The following PPP6R2 variants were observed in gnomAD, a reference collection of about 807,000 sequenced individuals.
The protein encoded by PPP6R2 is protein phosphatase 6 regulatory subunit 2.
In PPP6R2, 62 loss-of-function variants were observed where a neutral mutation model predicts 100.2. The ratio of observed to expected loss-of-function variants is 0.62; its 90% confidence interval spans 0.50 to 0.76. The LOEUF is 0.76. PPP6R2 is among the 30% of genes least tolerant of loss of function. The pLI, the probability that PPP6R2 is intolerant of heterozygous loss-of-function variation, is 0.00. For missense variants in PPP6R2, 1,142 were observed against 1,276.3 expected (o/e 0.89, Z 1.60); for synonymous variants, 525 against 514.7 (o/e 1.02, Z -0.27).
intron 1 of PPP6R2, among the ~76,000 whole-genome samples, chr22:50,354,156 T>C (rs2045937569): frequency 6.6e-6 from 1 of 151,714 alleles, no homozygotes; most frequent in Non-Finnish European, 1.5e-5. Flanking sequence ...AATACAAAAA[T>C]TAGCCGGGCA....
intron 8 of PPP6R2, 53 bp from the exon 9 acceptor site, chr22:50,422,201 G>A: frequency 1.3e-6 from 2 of 1,585,622 alleles, no homozygotes; most frequent in Non-Finnish European, 1.7e-6. Flanking sequence ...TTGCTGGTGA[G>A]GTTGGACAGG....
chr22:50,406,165 C>CGAGAGGCCTGGAGAGAGGT (rs1440085155), intron 3 of PPP6R2, among the ~76,000 whole-genome samples: 12 of 52,220 alleles, frequency 2.3e-4, no homozygotes, highest in South Asian at 6.6e-4. Context: ...TGGAGAGAGG[C>CGAGAGGCCTGGAGAGAGGT]GAGAGGCCTG....
At chr22:50,381,624 G>C (rs776374642) in intron 2 of PPP6R2, among the ~76,000 whole-genome samples, 2 of 152,170 alleles carry the variant, frequency 1.3e-5, no homozygotes, top group Non-Finnish European at 2.9e-5. Flanking sequence ...AGGAATTATT[G>C]TAGGAATAGA....
At chr22:50,436,502 C>T in intron 14 of PPP6R2, 50 bp downstream of exon 14, 2 of 1,521,792 alleles carry the variant, frequency 1.3e-6, no homozygotes, top group African/African-American at 1.4e-5. Context: ...TGCTGGGACG[C>T]CGTCAGACGC....
At chr22:50,421,629 G>C (rs1310598562) in intron 8 of PPP6R2, among the ~76,000 whole-genome samples, 1 of 152,128 alleles carries the variant, frequency 6.6e-6, no homozygotes, top group South Asian at 2.1e-4. Flanking sequence ...ACACCACAGG[G>C]GGTAGGCGCA....
At chr22:50,336,860 C>T in the PPP6R2 span, among the ~76,000 whole-genome samples, 2 of 152,114 alleles carry the variant, frequency 1.3e-5, no homozygotes, top group African/African-American at 4.8e-5. Context: ...GCGTGCACCA[C>T]CATGCCCAGC....
intron 2 of PPP6R2, among the ~76,000 whole-genome samples, chr22:50,384,459 G>C (rs968227317): frequency 2.6e-5 from 4 of 152,044 alleles, no homozygotes; most frequent in Non-Finnish European, 5.9e-5. Context: ...GGAGGCTGAG[G>C]CAGGAGAATC....
upstream of PPP6R2, among the ~76,000 whole-genome samples, chr22:50,342,486 C>G (rs1251292842): frequency 1.3e-5 from 2 of 152,196 alleles, no homozygotes; most frequent in African/African-American, 4.8e-5. Context: ...CTGGCGCCCT[C>G]TACCGACAAA....
intron 1 of PPP6R2, among the ~76,000 whole-genome samples, chr22:50,366,317 T>TC (rs2048751900): frequency 6.6e-6 from 1 of 151,614 alleles, no homozygotes; most frequent in African/African-American, 2.4e-5. Context: ...TCATCTTTTT[T>TC]TTTTTTTTTT....
intron 2 of PPP6R2, among the ~76,000 whole-genome samples, chr22:50,377,052 A>T (rs915303593): frequency 1.3e-5 from 2 of 152,164 alleles, no homozygotes; most frequent in African/African-American, 4.8e-5. Flanking sequence ...AAAAAGAAAT[A>T]AATATTTAAC....
intron 3 of PPP6R2, among the ~76,000 whole-genome samples, chr22:50,403,724 C>T (rs2058403957): frequency 6.6e-6 from 1 of 152,242 alleles, no homozygotes. Context: ...TGCTGGGCCA[C>T]TCTTTGACCC....
chr22:50,444,258 G>A lies in PPP6R2; in HGVS notation c.*11G>A, dbSNP rs781545908. 1.3e-4 allele frequency: 203 copies of A among 1,612,158 alleles called. No homozygotes were observed. Among genetic ancestry groups the A allele is most frequent in the Non-Finnish European group, 1.5e-4 (182 of 1,179,610 alleles). ...AATGGCCCAGTGTGATGCTGCTGCCGCCCGGCCACGGCCCACCCTGGTCAG... is the reference window on the plus strand; with the variant it reads ...AATGGCCCAGTGTGATGCTGCTGCCACCCGGCCACGGCCCACCCTGGTCAG... On this transcript the variant is annotated 3_prime_UTR_variant, in exon 24 of 24. Coordinates refer to ENST00000612753, the MANE Select transcript of PPP6R2 (RefSeq NM_001242898.2).
At chr22:50,360,347 A>G (rs1167537598) in intron 1 of PPP6R2, among the ~76,000 whole-genome samples, 1 of 140,000 alleles carries the variant, frequency 7.1e-6, no homozygotes, top group Non-Finnish European at 1.5e-5. Flanking sequence ...CACCATGCTC[A>G]GCCTTTTTTT....
At chr22:50,437,784 G>T in intron 16 of PPP6R2, 59 bp from the exon 17 acceptor site, 1 of 1,530,908 alleles carries the variant, frequency 6.5e-7, no homozygotes, top group Non-Finnish European at 8.9e-7. Context: ...GGAGCACTGA[G>T]GCCCCAGATG....
chr22:50,360,772 G>A (rs2047635936), intron 1 of PPP6R2, among the ~76,000 whole-genome samples: 1 of 152,132 alleles, frequency 6.6e-6, no homozygotes. Context: ...GTGAGCCAGG[G>A]AGCTGACCTG....
At chr22:50,371,749 G>A (rs897901953) in intron 1 of PPP6R2, among the ~76,000 whole-genome samples, 4 of 152,002 alleles carry the variant, frequency 2.6e-5, no homozygotes, top group Non-Finnish European at 4.4e-5. Flanking sequence ...CAGTGATCCC[G>A]CCTCAGCCTC....
At chr22:50,438,334 G>C in intron 18 of PPP6R2, 36 bp downstream of exon 18, 1 of 1,593,500 alleles carries the variant, frequency 6.3e-7, no homozygotes, top group African/African-American at 1.3e-5. Flanking sequence ...AGCCTCTGCC[G>C]AGGAGGTTCA....
chr22:50,393,605 G>A, intron 2 of PPP6R2: 1 of 962,168 alleles, frequency 1.0e-6, no homozygotes, highest in Non-Finnish European at 1.2e-6. Flanking sequence ...AGGTCCTGGA[G>A]CTGGGGGTGC....
intron 12 of PPP6R2, among the ~76,000 whole-genome samples, chr22:50,434,590 C>T (rs1315558310): frequency 3.5e-5 from 3 of 85,442 alleles, no homozygotes; most frequent in African/African-American, 1.5e-4. Flanking sequence ...GGAGGAGGGC[C>T]GGGGGCATGG....
Sources: gnomAD v4.1 joint callset for allele counts (sites outside exome capture counted in the v4.1 genomes callset) on GRCh38, gnomAD v4.1.1 for gene constraint, MANE v1.5 for transcripts, NCBI Gene and HGNC (gene_info 2026-07-23, HGNC 2026-07-21) for gene names.